Variants in MAEA observed in about 807,000 individuals in gnomAD.
MAEA encodes the protein E3 ubiquitin-protein transferase MAEA.
A neutral mutation model predicts 46.2 loss-of-function variants in MAEA; 22 were observed. That is an observed-to-expected ratio of 0.48 (90% CI 0.34 to 0.68). The LOEUF is 0.68. Ranked by LOEUF, MAEA falls within the 30% of genes least tolerant of loss-of-function variation. The pLI is 0.01. For missense variants in MAEA, 393 were observed against 558.1 expected (o/e 0.70, Z 2.98); for synonymous variants, 246 against 222.6 (o/e 1.11, Z -0.94).
At chr4:1,290,340 C>T (rs2108839264) in intron 1 of MAEA, among the ~76,000 whole-genome samples, 1 of 151,902 alleles carries the variant, frequency 6.6e-6, no homozygotes, top group South Asian at 2.1e-4. Context: ...GCGCGGCGTG[C>T]CCAGCCAGTG....
chr4:1,316,540 C>G (rs1292521119), intron 3 of MAEA, among the ~76,000 whole-genome samples: 1 of 152,110 alleles, frequency 6.6e-6, no homozygotes, highest in African/African-American at 2.4e-5. Context: ...CGGGCCCAGC[C>G]TCCCCATGCC....
In MAEA at chr4:1,309,499, G is replaced by C. The variant is rs1736198963; in HGVS notation, c.70-2480G>C. 2.2e-5 allele frequency: 29 copies of C among 1,339,348 alleles called. 1 individual carries two copies. In the South Asian group the frequency reaches 4.6e-4, roughly 21 times the overall value. The allele number at this position is 1,339,348 out of a possible 1,614,324, so 83.0% of individuals were successfully genotyped here. ...GGAGGAGCTGCTGTCTGGGTCAGCA[G>C]CTGCCCTGCTGGAGGGAGAGGGGGT... is the stretch of plus-strand genomic sequence containing the variant. On this transcript the variant is annotated intron_variant, in intron 1 of 8. Coordinates refer to ENST00000303400, the MANE Select transcript of MAEA (RefSeq NM_001017405.3).
intron 3 of MAEA, among the ~76,000 whole-genome samples, chr4:1,320,486 AATC>A (rs1437259160): frequency 6.6e-6 from 1 of 151,600 alleles, no homozygotes; most frequent in African/African-American, 2.4e-5. Flanking sequence ...TCAGAAAAGA[AATC>A]ATCAAAGCAA....
intron 2 of MAEA, among the ~76,000 whole-genome samples, chr4:1,314,513 G>A (rs1039667945): frequency 6.6e-6 from 1 of 152,184 alleles, no homozygotes; most frequent in African/African-American, 2.4e-5. Context: ...AAGTGGCTGC[G>A]AGAGTAAAGC....
At chr4:1,332,473 G>A in intron 5 of MAEA, 1 of 315,014 alleles carries the variant, frequency 3.2e-6, no homozygotes, top group Non-Finnish European at 6.1e-6. Context: ...CCAGCACTTT[G>A]GGAGGCCGGG....
At chr4:1,329,720 C>G (rs1272103601) in intron 5 of MAEA, 1 of 985,590 alleles carries the variant, frequency 1.0e-6, no homozygotes, top group Non-Finnish European at 1.2e-6. Context: ...GGTGGGGCAT[C>G]GGCAGGACGT....
At chr4:1,296,479 G>A (rs1734730034) in intron 1 of MAEA, among the ~76,000 whole-genome samples, 1 of 137,824 alleles carries the variant, frequency 7.3e-6, no homozygotes. Context: ...CCGTGCCTGT[G>A]CCTCCCTCAC....
chr4:1,305,372 C>T (rs889084586), intron 1 of MAEA, among the ~76,000 whole-genome samples: 5 of 152,204 alleles, frequency 3.3e-5, no homozygotes, highest in African/African-American at 7.2e-5. Flanking sequence ...CCAGGCGGCG[C>T]GGCCCTCCGT....
At chr4:1,322,911 C>T (rs1738316344) in intron 4 of MAEA, among the ~76,000 whole-genome samples, 1 of 143,250 alleles carries the variant, frequency 7.0e-6, no homozygotes, top group Admixed American at 7.0e-5. Flanking sequence ...GGCTGCAGAG[C>T]TCTGGGCTGT....
At position 1,322,397 on chromosome 4, in the gene MAEA, A is replaced by C; in HGVS notation, c.473A>C (p.Glu158Ala). ...QSGIEDLVNIEMFLTAKEVEE... is the reference protein window; with the variant it reads ...QSGIEDLVNIAMFLTAKEVEE... The stretch of plus-strand genomic sequence containing the variant: ...TCCTCTAAGGACCTAGTGAATATTG[A>C]GATGTTCCTGACGGCCAAAGAGGTG... The change falls in exon 4 of 9, where the codon GAG becomes GCG. Residue 158 changes from glutamate to alanine, a missense_variant. Physicochemically the swap from Glu to Ala is moderately radical, Grantham distance 107. This residue lies in a region of MAEA where 358 missense variants were observed against 537.9 expected (regional missense o/e 0.67). Transcript: ENST00000303400. 6.2e-7 allele frequency: 1 copy of C among 1,613,888 alleles called. No homozygotes were observed. Among genetic ancestry groups the C allele is most frequent in the Non-Finnish European group, 8.5e-7 (1 of 1,179,940 alleles).
At chr4:1,290,245 C>T (rs986330349) in intron 1 of MAEA, among the ~76,000 whole-genome samples, 5 of 152,118 alleles carry the variant, frequency 3.3e-5, no homozygotes, top group African/African-American at 1.2e-4. Context: ...ACGACTCTGG[C>T]AGCGCTAAGG....
chr4:1,314,647 C>T (rs1736905582), intron 2 of MAEA, among the ~76,000 whole-genome samples: 1 of 152,168 alleles, frequency 6.6e-6, no homozygotes, highest in East Asian at 1.9e-4. Context: ...CAGAATCCGA[C>T]ACAGAGTAAG....
intron 5 of MAEA, among the ~76,000 whole-genome samples, chr4:1,327,999 C>T (rs945110393): frequency 6.6e-6 from 1 of 152,254 alleles, no homozygotes; most frequent in African/African-American, 2.4e-5. Context: ...CCACGTAAAA[C>T]ACGTGGATCA....
chr4:1,310,494 C>T (rs1219478404), intron 1 of MAEA, among the ~76,000 whole-genome samples: 2 of 152,230 alleles, frequency 1.3e-5, no homozygotes, highest in South Asian at 2.1e-4. Flanking sequence ...GCTTCGAGTC[C>T]GTCTCCTGTT....
Position 1,339,452 on chromosome 4 carries a change from A to C in MAEA, c.*283A>C. The stretch of plus-strand genomic sequence containing the variant: ...AAACTCTTCTTTAAAGACTGACCTA[A>C]ACACCGAGGGAAACTTAAGAACGTT... On this transcript the variant is annotated 3_prime_UTR_variant, in exon 9 of 9. Transcript: ENST00000303400. 4.4e-6 allele frequency: 2 copies of C among 450,200 alleles called. No homozygotes were observed. Among genetic ancestry groups the C allele is most frequent in the Non-Finnish European group, 8.0e-6 (2 of 250,714 alleles). 27.9% of individuals were successfully genotyped at this position (450,200 alleles called of 1,614,324 possible).
At chr4:1,303,245 A>T (rs971382212) in intron 1 of MAEA, among the ~76,000 whole-genome samples, 1 of 149,398 alleles carries the variant, frequency 6.7e-6, no homozygotes, top group African/African-American at 2.5e-5. Context: ...AAAAAAAAAA[A>T]AAAAAAAAAA....
At chr4:1,315,267 GT>G (rs1257191876) in intron 2 of MAEA, 129 bp from the exon 3 acceptor site, 25 of 860,594 alleles carry the variant, frequency 2.9e-5, no homozygotes, top group South Asian at 2.2e-4. Flanking sequence ...GTAGAGCACG[GT>G]TTTTTTTCTG....
At chr4:1,305,749 G>A (rs1016158989) in intron 1 of MAEA, among the ~76,000 whole-genome samples, 2 of 129,328 alleles carry the variant, frequency 1.5e-5, no homozygotes, top group Admixed American at 7.5e-5. Context: ...GGGAGTGTGC[G>A]TGCGTGCACG....
In MAEA at chr4:1,311,908, T is replaced by C; in HGVS notation, c.70-71T>C. The C allele has an allele frequency of 1.4e-6, 2 of 1,386,610 alleles. No individual in the cohort carries two copies. The highest frequency in any genetic ancestry group is 2.6e-5 in the South Asian group (2 of 76,674). The allele number at this position is 1,386,610 out of a possible 1,614,324, so 85.9% of individuals were successfully genotyped here. A position where few individuals can be genotyped will look rare whatever the true frequency, so the allele number is the denominator to read the frequency against. ...ACAAGTGCCATGAGGAGACCTGGTG[T>C]GTCCTGGGTGTGGGGCTGGTGGGGC... On this transcript the variant is annotated intron_variant, in intron 1 of 8. Transcript: ENST00000303400. The surrounding 1 kb of genome is among the most constrained non-coding windows in gnomAD (Gnocchi z 4.4).
Sources: allele counts gnomAD v4.1 joint callset (sites outside exome capture counted in the v4.1 genomes callset), GRCh38; gene constraint gnomAD v4.1.1; regional missense constraint gnomAD v4.1.1; non-coding constraint Gnocchi (gnomAD v3.1); transcripts MANE v1.5; gene names NCBI Gene and HGNC (gene_info 2026-07-23, HGNC 2026-07-21).